The following KCNQ5 variants were observed in gnomAD, a reference collection of about 807,000 sequenced individuals.
The protein encoded by KCNQ5 is potassium voltage-gated channel subfamily KQT member 5.
Under a neutral mutation model 98.2 loss-of-function variants are expected in KCNQ5, and 30 were observed. The observed-to-expected ratio is 0.31, with a 90% CI of 0.23 to 0.41. The LOEUF is 0.41. Ranked by LOEUF, KCNQ5 falls within the 10% of genes least tolerant of loss-of-function variation. The probability of loss-of-function intolerance (pLI) is 1.00; values close to 1 mark genes in which losing one functional copy is unlikely to be tolerated. For missense variants in KCNQ5, 835 were observed against 1,182.5 expected, an observed-to-expected ratio of 0.71 and a Z score of 4.31; for synonymous variants, 458 against 449.4, an observed-to-expected ratio of 1.02 and a Z score of -0.24.
chr6:72,948,014 C>A (rs1475658991), intron 1 of KCNQ5, among the ~76,000 whole-genome samples: 1 of 151,966 alleles, frequency 6.6e-6, no homozygotes, highest in Non-Finnish European at 1.5e-5. Context: ...TTGTGGAGAG[C>A]TACTAATATG....
At chr6:72,969,708 G>A (rs1374560703) in intron 1 of KCNQ5, among the ~76,000 whole-genome samples, 1 of 152,082 alleles carries the variant, frequency 6.6e-6, no homozygotes, top group Non-Finnish European at 1.5e-5. Flanking sequence ...GACCTTAAAG[G>A]TCAAAGAAAA....
At position 73,023,566 on chromosome 6, in the gene KCNQ5, C is replaced by T. The variant is rs113127477; in HGVS notation, c.490-18370C>T. On this transcript the variant is annotated intron_variant, in intron 2 of 13. Coordinates refer to ENST00000370398, the MANE Select transcript of KCNQ5 (RefSeq NM_019842.4). ...ACCCAATATTAACACACTTCATTTT[C>T]GTATTAAGCCCCTAGGAACCTTCAT... Among the ~76,000 whole-genome samples the T allele has an allele frequency of 5.5e-3, 830 of 152,254 alleles. 4 individuals carry two copies. Among genetic ancestry groups the T allele is most frequent in the African/African-American group, 6.8e-3 (284 of 41,546 alleles).
intron 3 of KCNQ5, among the ~76,000 whole-genome samples, chr6:73,054,832 A>C (rs1772399305): frequency 6.6e-6 from 1 of 152,234 alleles, no homozygotes; most frequent in Non-Finnish European, 1.5e-5. Context: ...TAGTACTGGA[A>C]GTCCTGGCCA....
At chr6:72,955,024 T>C (rs1435173258) in intron 1 of KCNQ5, among the ~76,000 whole-genome samples, 1 of 152,226 alleles carries the variant, frequency 6.6e-6, no homozygotes, top group African/African-American at 2.4e-5. Context: ...TTCCTCCAGA[T>C]AGGAGAAGTC....
At chr6:73,145,878 A>C (rs1363100459) in intron 10 of KCNQ5, among the ~76,000 whole-genome samples, 1 of 152,198 alleles carries the variant, frequency 6.6e-6, no homozygotes, top group Admixed American at 6.5e-5. Context: ...GTCATGTCAG[A>C]AGAGCGAAAG....
At chr6:73,124,034 A>G (rs1167562640) in intron 8 of KCNQ5, among the ~76,000 whole-genome samples, 3 of 152,144 alleles carry the variant, frequency 2.0e-5, no homozygotes, top group Non-Finnish European at 2.9e-5. Context: ...TAGATTTTAT[A>G]CGATACAAAA....
chr6:72,629,352 T>TA (rs1207651058), intron 1 of KCNQ5, among the ~76,000 whole-genome samples: 3 of 152,032 alleles, frequency 2.0e-5, no homozygotes, highest in Non-Finnish European at 4.4e-5. Flanking sequence ...TTGTAGAAGT[T>TA]ATACTGCTTT....
chr6:72,854,771 TG>T (rs1562026588), intron 1 of KCNQ5, among the ~76,000 whole-genome samples: 43 of 145,930 alleles, frequency 2.9e-4, no homozygotes, highest in African/African-American at 1.0e-3. Context: ...TGTGTGTGTG[TG>T]TGTGTGTGTG....
intron 10 of KCNQ5, among the ~76,000 whole-genome samples, chr6:73,163,513 G>A (rs1392647469): frequency 2.6e-5 from 4 of 152,168 alleles, no homozygotes; most frequent in African/African-American, 7.2e-5. Context: ...TTGGGAGGTC[G>A]AGGCCGGTGG....
At chr6:73,053,770 C>T (rs916970504) in intron 3 of KCNQ5, among the ~76,000 whole-genome samples, 1 of 151,952 alleles carries the variant, frequency 6.6e-6, no homozygotes, top group Admixed American at 6.6e-5. Context: ...AGTTAACAAC[C>T]GAACATCACA....
intron 1 of KCNQ5, among the ~76,000 whole-genome samples, chr6:72,833,157 C>T (rs966394183): frequency 9.9e-5 from 15 of 152,100 alleles, no homozygotes; most frequent in African/African-American, 1.9e-4. Context: ...ATGAACTGTT[C>T]GACAGGCCAC....
chr6:73,041,999 T>G lies in KCNQ5; in HGVS notation c.553T>G (p.Cys185Gly). ...CATTCGAATCTGGTCTGCGGGTTGC[T>G]GTTGTCGATATAGAGGATGGCAAGG... is the stretch of plus-strand genomic sequence containing the variant. ...FIIRIWSAGC[C>G]CRYRGWQGRL... The change falls in exon 3 of 14, where the codon TGT becomes GGT. Residue 185 changes from cysteine to glycine, a missense_variant. This residue lies in a region of KCNQ5 where 48 missense variants were observed against 112.1 expected (regional missense o/e 0.43). Transcript: ENST00000370398. 6.2e-7 allele frequency: 1 copy of G among 1,613,926 alleles called. No homozygotes were observed. Among genetic ancestry groups the G allele is most frequent in the Non-Finnish European group, 8.5e-7 (1 of 1,179,814 alleles).
chr6:73,094,504 GT>G (rs1293681366), intron 5 of KCNQ5, among the ~76,000 whole-genome samples: 3 of 151,880 alleles, frequency 2.0e-5, no homozygotes, highest in Non-Finnish European at 2.9e-5. Context: ...TTGTATTTTT[GT>G]TTTATAGGTC....
chr6:72,856,011 G>GTA (rs111579354), intron 1 of KCNQ5, among the ~76,000 whole-genome samples: 9 of 152,272 alleles, frequency 5.9e-5, no homozygotes, highest in African/African-American at 1.9e-4. Context: ...ATTGAGGAAA[G>GTA]TATACACTCT....
At chr6:72,681,604 T>C (rs1272423340) in intron 1 of KCNQ5, among the ~76,000 whole-genome samples, 1 of 152,178 alleles carries the variant, frequency 6.6e-6, no homozygotes, top group Non-Finnish European at 1.5e-5. Flanking sequence ...ATAATATGAC[T>C]TATGTGGCCC....
intron 1 of KCNQ5, among the ~76,000 whole-genome samples, chr6:72,937,994 G>GT (rs2150235958): frequency 6.6e-6 from 1 of 152,254 alleles, no homozygotes; most frequent in Non-Finnish European, 1.5e-5. Flanking sequence ...TTCTAAGTCT[G>GT]TTTTTATCAT....
intron 1 of KCNQ5, among the ~76,000 whole-genome samples, chr6:72,813,878 G>T (rs1411963082): frequency 6.6e-6 from 1 of 151,512 alleles, no homozygotes; most frequent in Non-Finnish European, 1.5e-5. Context: ...TCCTCTTGTT[G>T]GTTGACTCTG....
At chr6:72,859,499 A>G (rs1777674259) in intron 1 of KCNQ5, among the ~76,000 whole-genome samples, 1 of 152,008 alleles carries the variant, frequency 6.6e-6, no homozygotes, top group African/African-American at 2.4e-5. Flanking sequence ...TTCTCCTAAA[A>G]TGCCATTTCT....
intron 10 of KCNQ5, among the ~76,000 whole-genome samples, chr6:73,140,034 T>A (rs1028143691): frequency 6.6e-6 from 1 of 152,178 alleles, no homozygotes; most frequent in Non-Finnish European, 1.5e-5. Flanking sequence ...GGCCCACCAG[T>A]CTACCACAAC....
Sources: allele counts gnomAD v4.1 joint callset (sites outside exome capture counted in the v4.1 genomes callset), GRCh38; gene constraint gnomAD v4.1.1; regional missense constraint gnomAD v4.1.1; transcripts MANE v1.5; gene names NCBI Gene and HGNC (gene_info 2026-07-23, HGNC 2026-07-21).